DPP10: variants seen among roughly 807,000 people sequenced by gnomAD.
The protein encoded by DPP10 is dipeptidyl peptidase like 10, also known as inactive dipeptidyl peptidase 10.
DPP10 carries 33 observed loss-of-function variants against 120.9 expected under a neutral mutation model. The ratio of observed to expected loss-of-function variants is 0.27; its 90% CI spans 0.21 to 0.37. The LOEUF (loss-of-function observed/expected upper bound fraction) is 0.37, where lower values mean the gene tolerates loss of function less well. Among genes scored for constraint, DPP10 ranks in the 10% least tolerant of loss-of-function variants. The pLI is 1.00. For synonymous variants in DPP10, 337 were observed against 326.1 expected (o/e 1.03, Z -0.36); for missense variants, 816 against 942.8 (o/e 0.87, Z 1.76).
intron 3 of DPP10, among the ~76,000 whole-genome samples, chr2:115,390,062 C>T (rs941735381): frequency 3.3e-5 from 5 of 152,100 alleles, no homozygotes. Context: ...ATTTGCTGGA[C>T]CCAGCCCTAC....
chr2:115,127,997 AAAAC>A (rs1425492449), intron 1 of DPP10, among the ~76,000 whole-genome samples: 1 of 152,240 alleles, frequency 6.6e-6, no homozygotes, highest in Non-Finnish European at 1.5e-5. Flanking sequence ...TAAAAACAGA[AAAAC>A]AATAAAATAA....
chr2:114,680,182 AAG>A, intron 1 of DPP10, among the ~76,000 whole-genome samples: 1 of 152,140 alleles, frequency 6.6e-6, no homozygotes, highest in East Asian at 1.9e-4. Context: ...AATTTAAAAT[AAG>A]AGAGAGTGCT....
chr2:114,596,952 G>A (rs1291789859), intron 1 of DPP10, among the ~76,000 whole-genome samples: 1 of 152,046 alleles, frequency 6.6e-6, no homozygotes, highest in Admixed American at 6.6e-5. Flanking sequence ...TGGGGTCACA[G>A]AATGAAAAAG....
chr2:114,591,796 G>T (rs1178466380), intron 1 of DPP10, among the ~76,000 whole-genome samples: 1 of 151,774 alleles, frequency 6.6e-6, no homozygotes, highest in East Asian at 1.9e-4. Flanking sequence ...CTCATGATCT[G>T]CCCACCTTGG....
chr2:115,309,955 A>G (rs1444646228), intron 2 of DPP10, among the ~76,000 whole-genome samples: 1 of 152,112 alleles, frequency 6.6e-6, no homozygotes, highest in East Asian at 1.9e-4. Flanking sequence ...CTAATATGGA[A>G]ATTATCATTG....
intron 1 of DPP10, among the ~76,000 whole-genome samples, chr2:114,475,841 A>T (rs1680328155): frequency 1.3e-5 from 2 of 151,996 alleles, no homozygotes; most frequent in South Asian, 2.1e-4. Context: ...ATCAATAGGA[A>T]CTCTCTTTCC....
At chr2:115,677,722 CA>C (rs2090371410) in intron 5 of DPP10, among the ~76,000 whole-genome samples, 1 of 152,082 alleles carries the variant, frequency 6.6e-6, no homozygotes, top group Non-Finnish European at 1.5e-5. Context: ...GAGGATATAA[CA>C]ATGTTAAATA....
chr2:114,843,039 A>C (rs1688280842), intron 1 of DPP10, among the ~76,000 whole-genome samples: 1 of 152,110 alleles, frequency 6.6e-6, no homozygotes, highest in South Asian at 2.1e-4. Flanking sequence ...AAAGATAATA[A>C]AGATGTCTGG....
chr2:114,979,930 A>C (rs1699980921), intron 1 of DPP10, among the ~76,000 whole-genome samples: 1 of 152,114 alleles, frequency 6.6e-6, no homozygotes, highest in Non-Finnish European at 1.5e-5. Context: ...TATCTTCCTA[A>C]GAAAATTTTG....
intron 7 of DPP10, among the ~76,000 whole-genome samples, chr2:115,718,975 CTG>C (rs1324635056): frequency 6.6e-6 from 1 of 152,008 alleles, no homozygotes; most frequent in Non-Finnish European, 1.5e-5. Context: ...ATATTGATAA[CTG>C]TTTGTCTCCT....
At chr2:115,107,053 C>A (rs1476143113) in intron 1 of DPP10, among the ~76,000 whole-genome samples, 1 of 148,584 alleles carries the variant, frequency 6.7e-6, no homozygotes, top group African/African-American at 2.5e-5. Context: ...CCAGCCTGGG[C>A]GACAGAGCTA....
At chr2:114,532,483 AC>A (rs1209475176) in intron 1 of DPP10, among the ~76,000 whole-genome samples, 2 of 151,410 alleles carry the variant, frequency 1.3e-5, no homozygotes, top group East Asian at 3.9e-4. Context: ...CCACTTACCT[AC>A]CCACTACCCA....
At chr2:115,529,710 A>C (rs906320903) in intron 5 of DPP10, among the ~76,000 whole-genome samples, 5 of 152,132 alleles carry the variant, frequency 3.3e-5, no homozygotes, top group Admixed American at 2.0e-4. Context: ...GAACTTTTGT[A>C]TTCTTGTCCA....
At chr2:115,221,683 A>AT (rs1559265139) in intron 1 of DPP10, among the ~76,000 whole-genome samples, 2 of 149,148 alleles carry the variant, frequency 1.3e-5, no homozygotes, top group South Asian at 4.2e-4. Flanking sequence ...ACTAGAAGAG[A>AT]TTTTTTCATG....
At chr2:115,056,624 G>T (rs544111647) in intron 1 of DPP10, among the ~76,000 whole-genome samples, 2 of 152,098 alleles carry the variant, frequency 1.3e-5, no homozygotes, top group Non-Finnish European at 2.9e-5. Flanking sequence ...CCCCAAAAGT[G>T]CTGGGATCAG....
At chr2:114,514,271 T>C (rs1490697039) in intron 1 of DPP10, among the ~76,000 whole-genome samples, 1 of 152,196 alleles carries the variant, frequency 6.6e-6, no homozygotes, top group Non-Finnish European at 1.5e-5. Flanking sequence ...AACCCTGTGA[T>C]GTACACACTC....
intron 1 of DPP10, among the ~76,000 whole-genome samples, chr2:114,928,265 T>C (rs1364476264): frequency 1.3e-5 from 2 of 152,232 alleles, no homozygotes; most frequent in Admixed American, 6.5e-5. Flanking sequence ...TCCTTAGAGC[T>C]GTGAGCTGTA....
chr2:115,606,280 C>T (rs535830804), intron 5 of DPP10, among the ~76,000 whole-genome samples: 1 of 151,968 alleles, frequency 6.6e-6, no homozygotes, highest in East Asian at 1.9e-4. Flanking sequence ...AGCATTAGAC[C>T]TTTATTTCTC....
intron 1 of DPP10, among the ~76,000 whole-genome samples, chr2:114,662,684 G>A (rs1394076407): frequency 1.4e-4 from 21 of 152,238 alleles, no homozygotes; most frequent in South Asian, 4.2e-4. Flanking sequence ...ACCACAACGC[G>A]CAGAAACCAA....
Sources: allele counts gnomAD v4.1 joint callset (sites outside exome capture counted in the v4.1 genomes callset), GRCh38; gene constraint gnomAD v4.1.1; transcripts MANE v1.5; gene names NCBI Gene and HGNC (gene_info 2026-07-23, HGNC 2026-07-21).